Variants in THRB observed in about 807,000 individuals in gnomAD.
THRB encodes nuclear receptor subfamily 1 group A member 2.
A neutral mutation model predicts 47.8 loss-of-function variants in THRB; 12 were observed. That is an observed-to-expected ratio of 0.25 (90% confidence interval 0.16 to 0.41). THRB has a LOEUF of 0.41. THRB is among the 10% of genes least tolerant of loss of function. THRB has a pLI of 1.00. For synonymous variants in THRB, 218 were observed against 212.2 expected, an observed-to-expected ratio of 1.03 and a Z score of -0.24; for missense variants, 348 against 589.2, an observed-to-expected ratio of 0.59 and a Z score of 4.24.
At chr3:24,471,424 A>G (rs113432007) in intron 1 of THRB, among the ~76,000 whole-genome samples, 42 of 152,350 alleles carry the variant, frequency 2.8e-4, no homozygotes, top group African/African-American at 8.9e-4. Context: ...TGCATACTAA[A>G]TTAATAATTG....
At chr3:24,160,285 G>T (rs2038598908) in intron 5 of THRB, among the ~76,000 whole-genome samples, 3 of 152,226 alleles carry the variant, frequency 2.0e-5, no homozygotes, top group Non-Finnish European at 2.9e-5. Flanking sequence ...ACTCTTGAGG[G>T]CAGGGAAGAG....
intron 1 of THRB, among the ~76,000 whole-genome samples, chr3:24,357,225 C>A (rs1577070933): frequency 6.7e-6 from 1 of 149,082 alleles, no homozygotes. Context: ...CAAGGGATGT[C>A]TAAAGATAAT....
At chr3:24,125,120 A>G (rs2032493504) in intron 10 of THRB, among the ~76,000 whole-genome samples, 1 of 151,956 alleles carries the variant, frequency 6.6e-6, no homozygotes, top group South Asian at 2.1e-4. Flanking sequence ...AATCTGTTAA[A>G]CTGACCCACT....
intron 5 of THRB, among the ~76,000 whole-genome samples, chr3:24,171,526 T>C (rs1221865463): frequency 6.6e-6 from 1 of 152,204 alleles, no homozygotes; most frequent in Non-Finnish European, 1.5e-5. Context: ...ATGAGAAAAC[T>C]GAATCCCAAG....
chr3:24,166,860 T>C (rs1014357596), intron 5 of THRB, among the ~76,000 whole-genome samples: 1 of 152,132 alleles, frequency 6.6e-6, no homozygotes, highest in Non-Finnish European at 1.5e-5. Context: ...GTAGCTCCAG[T>C]CATCAATTGC....
intron 5 of THRB, among the ~76,000 whole-genome samples, chr3:24,177,702 A>G (rs2041347290): frequency 6.6e-6 from 1 of 152,218 alleles, no homozygotes; most frequent in Non-Finnish European, 1.5e-5. Flanking sequence ...AAAAGTTTGC[A>G]AAAATAGGAT....
At chr3:24,391,849 TACTA>T (rs2066596749) in intron 1 of THRB, among the ~76,000 whole-genome samples, 1 of 152,162 alleles carries the variant, frequency 6.6e-6, no homozygotes, top group Non-Finnish European at 1.5e-5. Context: ...ATTCTACATG[TACTA>T]ACTGACTTAC....
In THRB at chr3:24,248,289, G is replaced by C. The variant is rs1206442477; in HGVS notation, c.-42-19288C>G. Reference sequence around the variant, plus strand: ...TCAGGCTCAACCCCATATTGATGCTGCTGGAGACATTTCTAAAGGGACTAC... The same window carrying C: ...TCAGGCTCAACCCCATATTGATGCTCCTGGAGACATTTCTAAAGGGACTAC... On this transcript the variant is annotated intron_variant, in intron 3 of 10. Transcript: ENST00000646209. Among the ~76,000 whole-genome samples, 8 of 152,128 alleles carry C rather than the reference G, an allele frequency of 5.3e-5. No individual in the cohort carries two copies. The South Asian group carries it at 1.5e-3, about 28-fold the overall frequency.
At chr3:24,127,027 G>C (rs914302948) in intron 10 of THRB, among the ~76,000 whole-genome samples, 1 of 152,212 alleles carries the variant, frequency 6.6e-6, no homozygotes, top group African/African-American at 2.4e-5. Flanking sequence ...GGATGTTTAA[G>C]CCACTAAGTT....
chr3:24,355,630 T>TA (rs1226962833), intron 1 of THRB, among the ~76,000 whole-genome samples: 24 of 152,234 alleles, frequency 1.6e-4, no homozygotes, highest in Admixed American at 3.3e-4. Flanking sequence ...CTTAGTAGTA[T>TA]AAAAAACCAC....
chr3:24,354,241 G>T (rs2063532565), intron 1 of THRB, among the ~76,000 whole-genome samples: 1 of 152,106 alleles, frequency 6.6e-6, no homozygotes, highest in Admixed American at 6.6e-5. Flanking sequence ...GATAGGAGGA[G>T]GGAGAGGATC....
At chr3:24,253,716 A>C (rs1482017332) in intron 3 of THRB, among the ~76,000 whole-genome samples, 5 of 152,120 alleles carry the variant, frequency 3.3e-5, no homozygotes, top group Admixed American at 1.3e-4. Flanking sequence ...TGGTTTTTCA[A>C]TCCTGACTCA....
chr3:24,229,381 G>A (rs144079972), intron 3 of THRB, among the ~76,000 whole-genome samples: 3 of 152,258 alleles, frequency 2.0e-5, no homozygotes, highest in Non-Finnish European at 2.9e-5. Context: ...CAGCAGTCTC[G>A]ACATTGCCTG....
chr3:24,416,237 T>C (rs2068721835), intron 1 of THRB, among the ~76,000 whole-genome samples: 1 of 151,742 alleles, frequency 6.6e-6, no homozygotes, highest in Non-Finnish European at 1.5e-5. Flanking sequence ...GGGATACAAG[T>C]TTAGAAGAAG....
At chr3:24,172,506 GC>G (rs1165742742) in intron 5 of THRB, among the ~76,000 whole-genome samples, 1 of 152,080 alleles carries the variant, frequency 6.6e-6, no homozygotes, top group Non-Finnish European at 1.5e-5. Context: ...TTTCATAAAA[GC>G]TTTTGATAGT....
intron 3 of THRB, among the ~76,000 whole-genome samples, chr3:24,272,373 A>AC (rs2053436730): frequency 2.1e-5 from 2 of 97,380 alleles, no homozygotes; most frequent in Admixed American, 9.4e-5. Flanking sequence ...AACAACAACA[A>AC]ACAAAAACAA....
chr3:24,182,627 C>T (rs1667737), intron 5 of THRB, among the ~76,000 whole-genome samples: 51,764 of 152,074 alleles, frequency 0.34, 9,263 homozygotes, highest in African/African-American at 0.44. Context: ...TAACTCCCAT[C>T]TATTGAGCAC....
At chr3:24,277,587 T>TC (rs1316562810) in intron 3 of THRB, among the ~76,000 whole-genome samples, 1 of 152,182 alleles carries the variant, frequency 6.6e-6, no homozygotes, top group East Asian at 1.9e-4. Flanking sequence ...ATATTCCCTC[T>TC]CAAATCTAAA....
At chr3:24,306,031 T>C (rs1332966467) in intron 2 of THRB, among the ~76,000 whole-genome samples, 1 of 152,214 alleles carries the variant, frequency 6.6e-6, no homozygotes, top group East Asian at 1.9e-4. Context: ...TTTAGACATG[T>C]TTCAAAGTAA....
Sources: gnomAD v4.1 joint callset for allele counts (sites outside exome capture counted in the v4.1 genomes callset) on GRCh38, gnomAD v4.1.1 for gene constraint, MANE v1.5 for transcripts, NCBI Gene and HGNC (gene_info 2026-07-23, HGNC 2026-07-21) for gene names.